The following NKD2 variants were observed in gnomAD, a reference collection of about 807,000 sequenced individuals.
NKD2 encodes NKD inhibitor of Wnt signaling pathway 2, also known as protein naked cuticle homolog 2.
NKD2 carries 43 observed loss-of-function variants against 34.8 expected under a neutral mutation model. That is an observed-to-expected ratio of 1.24 (90% confidence interval 0.97 to 1.60). The LOEUF is 1.60. Among genes scored for constraint, NKD2 ranks in the 40% most tolerant of loss-of-function variants. NKD2 has a pLI of 0.00. For missense variants in NKD2, 675 were observed against 627.1 expected (o/e 1.08, Z -0.82); for synonymous variants, 278 against 265.1 (o/e 1.05, Z -0.47).
At chr5:1,018,460 G>C (rs1756044716) in intron 3 of NKD2, among the ~76,000 whole-genome samples, 1 of 152,244 alleles carries the variant, frequency 6.6e-6, no homozygotes, top group Non-Finnish European at 1.5e-5. Flanking sequence ...CATGGGCCTG[G>C]GGAAGGTGCT....
chr5:1,017,305 C>G (rs1228765643), intron 3 of NKD2, among the ~76,000 whole-genome samples: 1 of 152,228 alleles, frequency 6.6e-6, no homozygotes, highest in Non-Finnish European at 1.5e-5. Context: ...CCAGGTGCAC[C>G]CAGCTCAACT....
Position 1,025,873 on chromosome 5 carries a change from C to T in NKD2, c.142-6279C>T, listed in dbSNP as rs867013612. 9.2e-4 allele frequency among the ~76,000 whole-genome samples: 54 copies of T among 58,452 alleles called. 4 individuals are homozygous for T. The highest frequency in any genetic ancestry group is 2.5e-3 in the African/African-American group (40 of 16,038). The allele number at this position is 58,452 out of a possible 152,430, so 38.3% of individuals were successfully genotyped here. ...CCCTGCTCTTCCCACCCGCTGTGGG[C>T]GTCCCAGCCCGTTGTCCCTGCTCTT... On this transcript the variant is annotated intron_variant, in intron 3 of 9. Transcript: ENST00000296849.
intron 8 of NKD2, chr5:1,036,020 C>T (rs531222398): frequency 4.7e-5 from 43 of 912,546 alleles, no homozygotes; most frequent in Non-Finnish European, 5.7e-5. Context: ...AGAGCACCTG[C>T]GGCTCTGGTG....
At position 1,038,149 on chromosome 5, in the gene NKD2, C is replaced by T. The variant is rs762007713; in HGVS notation, c.1132C>T (p.Pro378Ser). Residue 378 changes from proline to serine, a missense_variant, in exon 10 of 10, where the codon CCA becomes TCA. Coordinates refer to ENST00000296849, the MANE Select transcript of NKD2 (RefSeq NM_033120.4). This position sits in a 1 kb window ranked among gnomAD's most constrained non-coding sequence, Gnocchi z 4.5. ...CCACCACCTCCCGCAGCCCCCACCGCCACCCTACGGCCACAAGCGGTACCG... is the reference window on the plus strand; with the variant it reads ...CCACCACCTCCCGCAGCCCCCACCGTCACCCTACGGCCACAAGCGGTACCG... ...DGHHLPQPPP[P>S]PYGHKRYRQK... 2.5e-6 allele frequency: 4 copies of T among 1,587,114 alleles called. No homozygotes were observed. The highest frequency in any genetic ancestry group is 1.3e-5 in the African/African-American group (1 of 74,660).
rs1755655939 is a variant in NKD2 at position 1,009,372 on chromosome 5, G to T, written c.62-109G>T. 1 of 848,956 alleles carries T rather than the reference G, an allele frequency of 1.2e-6. No individual in the cohort carries two copies. The highest frequency in any genetic ancestry group is 3.4e-5 in the East Asian group (1 of 29,838). The allele number at this position is 848,956 out of a possible 1,614,324, so 52.6% of individuals were successfully genotyped here. ...GGGACCCCCACGCCTGCCCCTGCGC[G>T]GTCTCCAGGCGATGGGGACACAGCG... On this transcript the variant is annotated intron_variant, in intron 2 of 9. Transcript: ENST00000296849. This position sits in a 1 kb window ranked among gnomAD's most constrained non-coding sequence, Gnocchi z 6.9.
At position 1,033,557 on chromosome 5, in the gene NKD2, G is replaced by T. The variant is rs1756733666; in HGVS notation, c.330+58G>T. The stretch of plus-strand genomic sequence containing the variant: ...ACGTCCCTGGGGCCGGGGGCTCAGG[G>T]ACAGGCATGTGTTGCCCTAAACTGG... On this transcript the variant is annotated intron_variant, in intron 5 of 9. Coordinates refer to ENST00000296849, the MANE Select transcript of NKD2 (RefSeq NM_033120.4). The T allele has an allele frequency of 2.0e-6, 3 of 1,510,300 alleles. No homozygotes were observed. In the South Asian group the frequency reaches 3.8e-5, roughly 19 times the overall value. 93.6% of individuals were successfully genotyped at this position (1,510,300 alleles called of 1,614,324 possible). A position where few individuals can be genotyped will look rare whatever the true frequency, so the allele number is the denominator to read the frequency against.
chr5:1,029,654 C>CT (rs1163599782), intron 3 of NKD2, among the ~76,000 whole-genome samples: 2 of 152,300 alleles, frequency 1.3e-5, no homozygotes, highest in East Asian at 3.9e-4. Context: ...CTGTTTCTCA[C>CT]TTGACATGTT....
chr5:1,024,325 G>T (rs544842499), intron 3 of NKD2, among the ~76,000 whole-genome samples: 2 of 2,428 alleles, frequency 8.2e-4, no homozygotes, highest in African/African-American at 8.6e-4. Flanking sequence ...GTCCCAGCCC[G>T]TTGTCCCTGC....
chr5:1,012,688 C>T (rs564351181), intron 3 of NKD2, among the ~76,000 whole-genome samples: 1 of 152,370 alleles, frequency 6.6e-6, no homozygotes, highest in East Asian at 1.9e-4. Context: ...GGCTTGACGC[C>T]TTCCGACTGG....
At chr5:1,020,036 G>C (rs1231112848) in intron 3 of NKD2, among the ~76,000 whole-genome samples, 4 of 152,200 alleles carry the variant, frequency 2.6e-5, no homozygotes, top group African/African-American at 4.8e-5. Context: ...ATGGTAAGCT[G>C]AGGGTGGCAG....
chr5:1,020,082 G>C (rs2150732684), intron 3 of NKD2, among the ~76,000 whole-genome samples: 1 of 152,244 alleles, frequency 6.6e-6, no homozygotes, highest in South Asian at 2.1e-4. Context: ...CTGTGACATT[G>C]GGGATCGTTA....
intron 3 of NKD2, among the ~76,000 whole-genome samples, chr5:1,019,558 G>A (rs973763105): frequency 6.6e-6 from 1 of 152,172 alleles, no homozygotes; most frequent in Non-Finnish European, 1.5e-5. Context: ...GAGGTTCTGA[G>A]ATTGTCGCGT....
chr5:1,034,698 AG>A, intron 6 of NKD2, 57 bp from the exon 7 acceptor site: 1 of 1,534,386 alleles, frequency 6.5e-7, no homozygotes, highest in Non-Finnish European at 8.9e-7. Flanking sequence ...TCTGGCAGGG[AG>A]GGCGGGTGGT....
Position 1,038,262 on chromosome 5 carries a change from G to T in NKD2, c.1245G>T (p.Pro415=), listed in dbSNP as rs113321181. 19 of 1,578,248 alleles carry T rather than the reference G, an allele frequency of 1.2e-5. No homozygotes were observed. The African/African-American group carries it at 1.3e-4, about 11-fold the overall frequency. The change falls in exon 10 of 10, where the codon CCG becomes CCT. Residue 415 remains proline, a synonymous_variant. Coordinates refer to ENST00000296849, the MANE Select transcript of NKD2 (RefSeq NM_033120.4). This position sits in a 1 kb window ranked among gnomAD's most constrained non-coding sequence, Gnocchi z 4.5. ...AGCACGAGGTGGTGCGGGACCTGCC[G>T]CCCACGCCAGCAGGAGAGGGCTACG... is the stretch of plus-strand genomic sequence containing the variant. ...TVEHEVVRDL[P]PTPAGEGYAV... is the part of the protein sequence containing the mutation.
chr5:1,027,184 G>A lies in NKD2; in HGVS notation c.142-4968G>A, dbSNP rs184790095. Reference sequence around the variant, plus strand: ...CCATTTCCCCAGTGGCAGAAACTTCGAGCCAGGGGCTCCACCCAACAGGGC... The same window carrying A: ...CCATTTCCCCAGTGGCAGAAACTTCAAGCCAGGGGCTCCACCCAACAGGGC... On this transcript the variant is annotated intron_variant, in intron 3 of 9. Transcript: ENST00000296849. Among the ~76,000 whole-genome samples, 468 of 152,336 alleles carry A rather than the reference G, an allele frequency of 3.1e-3. 9 individuals carry two copies. The highest frequency in any genetic ancestry group is 0.027 in the Admixed American group (406 of 15,306).
chr5:1,026,299 G>T (rs1156633576), intron 3 of NKD2, among the ~76,000 whole-genome samples: 3 of 41,936 alleles, frequency 7.2e-5, no homozygotes, highest in Non-Finnish European at 1.8e-4. Flanking sequence ...CCAGCCCTTT[G>T]TCCCTGCTCT....
At chr5:1,031,697 G>A (rs995432255) in intron 3 of NKD2, among the ~76,000 whole-genome samples, 2 of 152,188 alleles carry the variant, frequency 1.3e-5, no homozygotes, top group African/African-American at 4.8e-5. Flanking sequence ...GGTCTCGGCC[G>A]GCAGCCCTAT....
In NKD2 at chr5:1,033,383, G is replaced by C. The variant is rs144426465; in HGVS notation, c.214G>C (p.Ala72Pro). Reference protein sequence around the residue: ...DQCPLQVALPAEKAEGREHPG... With the variant: ...DQCPLQVALPPEKAEGREHPG... ...TCTTGTCCCCCTAGTGGCACTCCCC[G>C]CTGAGAAAGCTGAGGGCCGCGAGCA... The change falls in exon 5 of 10, where the codon GCT becomes CCT. Residue 72 changes from alanine (A) to proline (P), a missense_variant. Transcript: ENST00000296849. The C allele has an allele frequency of 6.3e-7, 1 of 1,598,456 alleles. No homozygotes were observed. Among genetic ancestry groups the C allele is most frequent in the East Asian group, 2.3e-5 (1 of 43,792 alleles).
intron 3 of NKD2, among the ~76,000 whole-genome samples, chr5:1,011,664 C>T (rs1042462884): frequency 1.3e-5 from 2 of 152,182 alleles, no homozygotes; most frequent in Admixed American, 6.5e-5. Context: ...GGAGATTGGG[C>T]GCACTAAGAG....
Sources: gnomAD v4.1 joint callset for allele counts (sites outside exome capture counted in the v4.1 genomes callset) on GRCh38, gnomAD v4.1.1 for gene constraint, Gnocchi (gnomAD v3.1) non-coding constraint, MANE v1.5 for transcripts, NCBI Gene and HGNC (gene_info 2026-07-23, HGNC 2026-07-21) for gene names.